SLC23A2: variants seen among roughly 807,000 people sequenced by gnomAD.
SLC23A2 encodes the protein Na(+)/L-ascorbic acid transporter 2.
SLC23A2 carries 36 observed loss-of-function variants against 73.3 expected under a neutral mutation model. The ratio of observed to expected loss-of-function variants is 0.49; its 90% CI spans 0.38 to 0.65. The LOEUF (loss-of-function observed/expected upper bound fraction) is 0.65. SLC23A2 is among the 30% of genes least tolerant of loss of function. The pLI is 0.00. For synonymous variants in SLC23A2, 343 were observed against 327.3 expected (o/e 1.05, Z -0.52); for missense variants, 507 against 841.6 (o/e 0.60, Z 4.92).
chr20:4,923,330 A>G (rs553196967), intron 3 of SLC23A2, among the ~76,000 whole-genome samples: 6 of 152,290 alleles, frequency 3.9e-5, no homozygotes, highest in Admixed American at 1.3e-4. Flanking sequence ...CTTCACTTGC[A>G]TCCCATCGTT....
At chr20:4,971,366 A>G (rs1049190874) in intron 1 of SLC23A2, among the ~76,000 whole-genome samples, 11 of 151,580 alleles carry the variant, frequency 7.3e-5, no homozygotes, top group African/African-American at 2.7e-4. Flanking sequence ...CACACCTGTG[A>G]TCCCAGCTAC....
At chr20:4,967,806 AC>A (rs2087497339) in intron 2 of SLC23A2, among the ~76,000 whole-genome samples, 2 of 152,156 alleles carry the variant, frequency 1.3e-5, no homozygotes, top group Non-Finnish European at 2.9e-5. Flanking sequence ...ATGCTAAAAT[AC>A]CCTTCAACCA....
rs559704605 is a variant in SLC23A2, at chr20:4,987,394, C to T, written c.-282+14012G>A. 2.8e-4 allele frequency among the ~76,000 whole-genome samples: 42 copies of T among 152,206 alleles called. No individual in the cohort carries two copies. The South Asian group carries it at 6.4e-3, about 23-fold the overall frequency. Reference sequence around the variant, plus strand: ...AAGCCCTGGGGACAAACCTGAAGAACGATCACTCGTGAAACTCCTCGCAGC... The same window carrying T: ...AAGCCCTGGGGACAAACCTGAAGAATGATCACTCGTGAAACTCCTCGCAGC... On this transcript the variant is annotated intron_variant, in intron 1 of 16. Transcript: ENST00000338244.
rs1307340423 is a variant in SLC23A2 at position 4,902,488 on chromosome 20, A to G, written c.278T>C (p.Ile93Thr). Residue 93 changes from isoleucine to threonine, a missense_variant, in exon 5 of 17, where the codon ATA becomes ACA. Ile to Thr is a moderately conservative substitution (Grantham distance 89). Coordinates refer to ENST00000338244, the MANE Select transcript of SLC23A2 (RefSeq NM_005116.6). The surrounding 1 kb of genome is among the most constrained non-coding windows in gnomAD (Gnocchi z 4.0). Reference protein sequence around the residue: ...DPQRSDMIYTIEDVPPWYLCI... With the variant: ...DPQRSDMIYTTEDVPPWYLCI... The stretch of plus-strand genomic sequence containing the variant: ...CAGGTACCAGGGAGGAACATCTTCT[A>G]TGGTATAAATCATGTCTGATCGCTG... The G allele has an allele frequency of 6.2e-7, 1 of 1,612,746 alleles. No individual in the cohort carries two copies. The highest frequency in any genetic ancestry group is 8.5e-7 in the Non-Finnish European group (1 of 1,179,168).
upstream of SLC23A2, among the ~76,000 whole-genome samples, chr20:5,003,941 T>C (rs1452966016): frequency 2.0e-5 from 3 of 152,164 alleles, no homozygotes; most frequent in African/African-American, 4.8e-5. Flanking sequence ...AATACCACTG[T>C]TTCTTGCTAA....
intron 2 of SLC23A2, among the ~76,000 whole-genome samples, chr20:4,940,124 C>T (rs1334501165): frequency 6.6e-6 from 1 of 151,996 alleles, no homozygotes; most frequent in Non-Finnish European, 1.5e-5. Context: ...TTGAGACCAG[C>T]CTGGGTAACA....
chr20:4,870,499 C>T (rs1216713490), intron 11 of SLC23A2, among the ~76,000 whole-genome samples: 1 of 152,042 alleles, frequency 6.6e-6, no homozygotes, highest in Non-Finnish European at 1.5e-5. Context: ...ATCACTTGAA[C>T]CTAGGAGGCG....
intron 2 of SLC23A2, among the ~76,000 whole-genome samples, chr20:4,955,704 C>T (rs901983636): frequency 1.3e-5 from 2 of 151,966 alleles, no homozygotes; most frequent in Non-Finnish European, 2.9e-5. Context: ...GTGGGAGGAT[C>T]GCTTGAGCGT....
chr20:4,950,857 A>G (rs143363681), intron 2 of SLC23A2, among the ~76,000 whole-genome samples: 1,542 of 152,326 alleles, frequency 0.01, 27 homozygotes, highest in African/African-American at 0.035. Flanking sequence ...ATTCCTGGAG[A>G]AAAGCAGCTG....
intron 4 of SLC23A2, among the ~76,000 whole-genome samples, chr20:4,905,599 G>A (rs1314632708): frequency 6.6e-6 from 1 of 152,224 alleles, no homozygotes; most frequent in Admixed American, 6.5e-5. Flanking sequence ...AGTGAACTCA[G>A]AACGCTGTTC....
intron 3 of SLC23A2, among the ~76,000 whole-genome samples, chr20:4,916,185 C>T (rs1218119087): frequency 3.9e-5 from 6 of 152,176 alleles, no homozygotes; most frequent in South Asian, 4.1e-4. Flanking sequence ...TTCAGGTCCA[C>T]GAGATGAAAC....
At chr20:4,890,640 G>A (rs1431028789) in intron 6 of SLC23A2, among the ~76,000 whole-genome samples, 3 of 151,842 alleles carry the variant, frequency 2.0e-5, no homozygotes, top group Non-Finnish European at 2.9e-5. Context: ...GCAACAGAGC[G>A]AGACTCCATC....
At chr20:4,938,401 C>T (rs996230952) in intron 2 of SLC23A2, among the ~76,000 whole-genome samples, 3 of 146,838 alleles carry the variant, frequency 2.0e-5, no homozygotes, top group South Asian at 2.1e-4. Flanking sequence ...TGCAATGGTG[C>T]GATCTCGGCT....
At chr20:4,941,678 G>T (rs1257199991) in intron 2 of SLC23A2, among the ~76,000 whole-genome samples, 1 of 151,654 alleles carries the variant, frequency 6.6e-6, no homozygotes, top group East Asian at 1.9e-4. Flanking sequence ...CTCCAGTCTG[G>T]GTGACAGGGT....
chr20:4,956,598 G>A (rs79494287), intron 2 of SLC23A2, among the ~76,000 whole-genome samples: 2,238 of 152,100 alleles, frequency 0.015, 44 homozygotes, highest in African/African-American at 0.046. Flanking sequence ...AGGTGTCAGA[G>A]GCAACCAGGT....
chr20:4,951,878 C>T (rs1365424282), intron 2 of SLC23A2, among the ~76,000 whole-genome samples: 4 of 151,724 alleles, frequency 2.6e-5, no homozygotes, highest in Admixed American at 2.0e-4. Flanking sequence ...CTGAGGCAGA[C>T]GATCACCTAA....
At chr20:4,921,990 G>A (rs192152595) in intron 3 of SLC23A2, among the ~76,000 whole-genome samples, 10 of 152,160 alleles carry the variant, frequency 6.6e-5, no homozygotes, top group Admixed American at 3.9e-4. Context: ...TTACTGCCTC[G>A]AAACCTCCAA....
chr20:4,986,641 TAC>T (rs1430876697), intron 1 of SLC23A2, among the ~76,000 whole-genome samples: 1 of 78,034 alleles, frequency 1.3e-5, no homozygotes, highest in African/African-American at 4.5e-5. Context: ...GATACATACA[TAC>T]ACACATACAC....
At chr20:4,980,456 A>C (rs977779802) in intron 1 of SLC23A2, among the ~76,000 whole-genome samples, 2 of 152,146 alleles carry the variant, frequency 1.3e-5, no homozygotes, top group Non-Finnish European at 2.9e-5. Flanking sequence ...AACAGGCTTA[A>C]ATACCCTCTG....
Sources: gnomAD v4.1 joint callset for allele counts (sites outside exome capture counted in the v4.1 genomes callset) on GRCh38, gnomAD v4.1.1 for gene constraint, Gnocchi (gnomAD v3.1) non-coding constraint, MANE v1.5 for transcripts, NCBI Gene and HGNC (gene_info 2026-07-23, HGNC 2026-07-21) for gene names.